The following BMERB1 variants were observed in gnomAD, a reference collection of about 807,000 sequenced individuals.
BMERB1 encodes bMERB domain containing 1, also known as bMERB domain-containing protein 1.
In BMERB1, 12 loss-of-function variants were observed where a neutral mutation model predicts 23.6. The observed-to-expected ratio is 0.51, with a 90% CI of 0.33 to 0.82. The LOEUF is 0.82. BMERB1 is among the 40% of genes least tolerant of loss of function. The pLI is 0.03. For missense variants in BMERB1, 247 were observed against 255.4 expected (o/e 0.97, Z 0.22); for synonymous variants, 122 against 96.6 (o/e 1.26, Z -1.54).
rs71152434 is a variant in BMERB1, at chr16:15,474,119, C to CA, written c.106+39378dup. ...TCGGTGACAGAGTGAGACTCTGTCT[C>CA]AAAAAAAAAAAAAAAAAAGTTTTAT... On this transcript the variant is annotated intron_variant, in intron 1 of 5. Coordinates refer to ENST00000300006, the MANE Select transcript of BMERB1 (RefSeq NM_033201.3). Among the ~76,000 whole-genome samples, 530 of 91,370 alleles carry CA rather than the reference C, an allele frequency of 5.8e-3. 3 individuals are homozygous for CA. Among genetic ancestry groups the CA allele is most frequent in the African/African-American group, 0.016 (338 of 21,198 alleles). The allele number at this position is 91,370 out of a possible 152,430, so 59.9% of individuals were successfully genotyped here.
rs185635598 is a variant in BMERB1, at chr16:15,542,210, C to T, written c.231-25773C>T. Among the ~76,000 whole-genome samples the T allele has an allele frequency of 7.2e-5, 11 of 152,042 alleles. No homozygotes were observed. The South Asian group carries it at 8.3e-4, about 11-fold the overall frequency. On this transcript the variant is annotated intron_variant, in intron 2 of 5. Coordinates refer to ENST00000300006, the MANE Select transcript of BMERB1 (RefSeq NM_033201.3). The stretch of plus-strand genomic sequence containing the variant: ...TCCCAAGTAGCTTGGACTACAGGCA[C>T]GTGCCATCACACCCAGCTAATTTTT...
At chr16:15,468,778 G>T (rs2051205134) in intron 1 of BMERB1, among the ~76,000 whole-genome samples, 1 of 152,014 alleles carries the variant, frequency 6.6e-6, no homozygotes, top group Non-Finnish European at 1.5e-5. Flanking sequence ...AGGTTCTTAA[G>T]ATTTTCCCTT....
At chr16:15,465,353 A>ATATATT (rs372237531) in intron 1 of BMERB1, among the ~76,000 whole-genome samples, 1 of 133,426 alleles carries the variant, frequency 7.5e-6, no homozygotes, top group Non-Finnish European at 1.6e-5. Context: ...TAAGATATAT[A>ATATATT]TTTTTTTTTT....
At chr16:15,571,242 G>A (rs951554709) in intron 3 of BMERB1, among the ~76,000 whole-genome samples, 10 of 152,120 alleles carry the variant, frequency 6.6e-5, no homozygotes, top group Admixed American at 4.6e-4. Flanking sequence ...TACCCCAAGC[G>A]AGGTCAGGGG....
At chr16:15,470,405 C>G (rs2051218408) in intron 1 of BMERB1, among the ~76,000 whole-genome samples, 1 of 152,034 alleles carries the variant, frequency 6.6e-6, no homozygotes, top group African/African-American at 2.4e-5. Flanking sequence ...AATTTTTGCT[C>G]TAAGTTCATG....
chr16:15,468,066 G>GAAC (rs2150930449), intron 1 of BMERB1, among the ~76,000 whole-genome samples: 1 of 150,746 alleles, frequency 6.6e-6, no homozygotes, highest in South Asian at 2.1e-4. Flanking sequence ...GATTCAGAGA[G>GAAC]AACAGATTGT....
intron 1 of BMERB1, among the ~76,000 whole-genome samples, chr16:15,501,085 G>T (rs990632766): frequency 6.6e-6 from 1 of 152,036 alleles, no homozygotes; most frequent in Non-Finnish European, 1.5e-5. Context: ...TAATCCTTTA[G>T]ATCTATTGGA....
chr16:15,453,258 T>A (rs1395292114), intron 1 of BMERB1, among the ~76,000 whole-genome samples: 2 of 151,992 alleles, frequency 1.3e-5, no homozygotes, highest in Non-Finnish European at 2.9e-5. Flanking sequence ...ATTTTAAAAC[T>A]AAAAAAATAC....
intron 2 of BMERB1, among the ~76,000 whole-genome samples, chr16:15,545,918 C>T (rs1032373713): frequency 6.6e-6 from 1 of 152,002 alleles, no homozygotes; most frequent in African/African-American, 2.4e-5. Context: ...GTGTAAGTAA[C>T]AATAGGTAGT....
At chr16:15,531,778 G>A (rs2051970386) in intron 2 of BMERB1, among the ~76,000 whole-genome samples, 1 of 152,198 alleles carries the variant, frequency 6.6e-6, no homozygotes, top group South Asian at 2.1e-4. Flanking sequence ...GCTGATGTGA[G>A]TGGCAGCAGA....
intron 1 of BMERB1, among the ~76,000 whole-genome samples, chr16:15,486,860 C>T (rs1368527471): frequency 6.6e-6 from 1 of 152,074 alleles, no homozygotes; most frequent in Non-Finnish European, 1.5e-5. Flanking sequence ...TCTGTGCCTT[C>T]GTTTTGTCAT....
intron 5 of BMERB1, 32 bp downstream of exon 5, chr16:15,583,270 C>T (rs767597819): frequency 9.3e-6 from 14 of 1,509,824 alleles, no homozygotes; most frequent in African/African-American, 8.3e-5. Flanking sequence ...TCCCCTCCCC[C>T]ACAAAAGAGA....
chr16:15,567,937 T>C, intron 2 of BMERB1, 46 bp from the exon 3 acceptor site: 1 of 1,565,018 alleles, frequency 6.4e-7, no homozygotes, highest in Non-Finnish European at 8.8e-7. Flanking sequence ...CAGGGCGTAA[T>C]GCTCTGCTGA....
At chr16:15,450,911 T>C (rs971944937) in intron 1 of BMERB1, among the ~76,000 whole-genome samples, 5 of 152,162 alleles carry the variant, frequency 3.3e-5, no homozygotes, top group Admixed American at 6.6e-5. Context: ...GAGAAAAAGT[T>C]TGTGAGGTTC....
chr16:15,480,856 C>G (rs894010328), intron 1 of BMERB1, among the ~76,000 whole-genome samples: 2 of 151,976 alleles, frequency 1.3e-5, no homozygotes, highest in African/African-American at 4.8e-5. Flanking sequence ...TCAAGATCCA[C>G]TGACATCGGC....
chr16:15,560,159 C>T (rs1015715771), intron 2 of BMERB1, among the ~76,000 whole-genome samples: 36 of 152,262 alleles, frequency 2.4e-4, no homozygotes, highest in Admixed American at 7.8e-4. Flanking sequence ...AGTCCTGCAG[C>T]GTGAATCCCG....
chr16:15,444,256 T>C (rs937522557), intron 1 of BMERB1, among the ~76,000 whole-genome samples: 1 of 150,856 alleles, frequency 6.6e-6, no homozygotes, highest in Non-Finnish European at 1.5e-5. Context: ...AGGCCCTCTT[T>C]TAGTACTTCA....
chr16:15,520,440 C>T (rs1272740962), intron 2 of BMERB1, among the ~76,000 whole-genome samples: 1 of 150,932 alleles, frequency 6.6e-6, no homozygotes, highest in African/African-American at 2.4e-5. Context: ...CTTTTCTGTA[C>T]CATTGAAACT....
intron 1 of BMERB1, among the ~76,000 whole-genome samples, chr16:15,460,151 A>G (rs1054023597): frequency 1.3e-5 from 2 of 152,232 alleles, no homozygotes; most frequent in South Asian, 2.1e-4. Flanking sequence ...TCCAACTTCT[A>G]TGGAAGTTAA....
Sources: gnomAD v4.1 joint callset for allele counts (sites outside exome capture counted in the v4.1 genomes callset) on GRCh38, gnomAD v4.1.1 for gene constraint, MANE v1.5 for transcripts, NCBI Gene and HGNC (gene_info 2026-07-23, HGNC 2026-07-21) for gene names.